ST6GALNAC3: variants seen among roughly 807,000 people sequenced by gnomAD.
ST6GALNAC3 encodes alpha-N-acetylgalactosaminide alpha-2,6-sialyltransferase 3.
ST6GALNAC3 carries 25 observed loss-of-function variants against 32.7 expected under a neutral mutation model. The observed-to-expected ratio is 0.76, with a 90% CI of 0.56 to 1.07. The LOEUF (loss-of-function observed/expected upper bound fraction) is 1.07, where lower values mean the gene tolerates loss of function less well. Ranked by LOEUF, ST6GALNAC3 falls within the 50% of genes least tolerant of loss-of-function variation. ST6GALNAC3 has a pLI of 0.00. For synonymous variants in ST6GALNAC3, 129 were observed against 133.1 expected (o/e 0.97, Z 0.21); for missense variants, 355 against 382.4 (o/e 0.93, Z 0.60).
At chr1:76,407,909 G>A (rs902817017) in intron 2 of ST6GALNAC3, among the ~76,000 whole-genome samples, 2 of 151,998 alleles carry the variant, frequency 1.3e-5, no homozygotes, top group Non-Finnish European at 2.9e-5. Flanking sequence ...ATATGAATGA[G>A]TTGAAGAAAT....
chr1:76,636,611 C>G (rs975867011), downstream of ST6GALNAC3, among the ~76,000 whole-genome samples: 1 of 152,124 alleles, frequency 6.6e-6, no homozygotes, highest in African/African-American at 2.4e-5. Flanking sequence ...ACCTTATATG[C>G]ATTCTCTCCC....
chr1:76,094,172 A>T (rs1338743947), intron 1 of ST6GALNAC3, among the ~76,000 whole-genome samples: 1 of 152,144 alleles, frequency 6.6e-6, no homozygotes, highest in Admixed American at 6.5e-5. Context: ...GGGTCAGGGG[A>T]ATTGTCCATG....
chr1:76,354,797 T>G (rs1649307217), intron 2 of ST6GALNAC3, among the ~76,000 whole-genome samples: 1 of 152,350 alleles, frequency 6.6e-6, no homozygotes, highest in Non-Finnish European at 1.5e-5. Context: ...TCCACGTTTA[T>G]CTACATTCAG....
At chr1:76,611,369 T>C (rs1647922484) in intron 3 of ST6GALNAC3, among the ~76,000 whole-genome samples, 1 of 152,194 alleles carries the variant, frequency 6.6e-6, no homozygotes, top group African/African-American at 2.4e-5. Flanking sequence ...CATAATACAA[T>C]TCTTTAACCA....
chr1:76,372,572 T>C (rs2101084865), intron 2 of ST6GALNAC3, among the ~76,000 whole-genome samples: 1 of 152,266 alleles, frequency 6.6e-6, no homozygotes, highest in South Asian at 2.1e-4. Context: ...GAATTAAAAC[T>C]TCAGTGTCAA....
chr1:76,412,385 T>C lies in ST6GALNAC3; in HGVS notation c.591T>C (p.Asp197=). 6.2e-7 allele frequency: 1 copy of C among 1,606,190 alleles called. No individual in the cohort carries two copies. The highest frequency in any genetic ancestry group is 8.5e-7 in the Non-Finnish European group (1 of 1,175,150). ...VTTEKRMSYC[D]GVFKKETGKD... ...CAGAGAAGCGCATGAGTTACTGTGATGGAGTTTTTAAGAAGGAAACTGGGA... is the reference window on the plus strand; with the variant it reads ...CAGAGAAGCGCATGAGTTACTGTGACGGAGTTTTTAAGAAGGAAACTGGGA... The change falls in exon 3 of 5, where the codon GAT becomes GAC. Residue 197 remains aspartate (D), a synonymous_variant. Coordinates refer to ENST00000328299, the MANE Select transcript of ST6GALNAC3 (RefSeq NM_152996.4).
At chr1:76,362,776 G>A (rs1650069113) in intron 2 of ST6GALNAC3, among the ~76,000 whole-genome samples, 1 of 152,210 alleles carries the variant, frequency 6.6e-6, no homozygotes, top group South Asian at 2.1e-4. Context: ...TGCAAGGGGT[G>A]GGCCCCCAAG....
intron 1 of ST6GALNAC3, among the ~76,000 whole-genome samples, chr1:76,246,368 G>A (rs1038360475): frequency 2.6e-5 from 4 of 152,068 alleles, no homozygotes; most frequent in African/African-American, 9.7e-5. Context: ...TATCCAATTT[G>A]CCAGTCTGTG....
At chr1:76,468,923 T>A (rs1298542587) in intron 3 of ST6GALNAC3, among the ~76,000 whole-genome samples, 1 of 152,036 alleles carries the variant, frequency 6.6e-6, no homozygotes. Context: ...TCTGAAGTCA[T>A]GCAGGAAAAA....
chr1:76,549,327 T>A (rs527898524), intron 3 of ST6GALNAC3, among the ~76,000 whole-genome samples: 84 of 152,260 alleles, frequency 5.5e-4, no homozygotes, highest in Admixed American at 9.8e-4. Flanking sequence ...ACCATTACCC[T>A]GAATTTGAGT....
At chr1:76,250,681 T>G (rs1657557003) in intron 1 of ST6GALNAC3, among the ~76,000 whole-genome samples, 1 of 152,120 alleles carries the variant, frequency 6.6e-6, no homozygotes, top group Non-Finnish European at 1.5e-5. Context: ...CAACCCCACT[T>G]TTTCAATTCA....
chr1:76,474,043 A>G (rs1659197872), intron 3 of ST6GALNAC3, among the ~76,000 whole-genome samples: 1 of 152,194 alleles, frequency 6.6e-6, no homozygotes. Context: ...AGGGTGAGAC[A>G]GTGAGACAGC....
intron 3 of ST6GALNAC3, among the ~76,000 whole-genome samples, chr1:76,621,639 A>G (rs1458670583): frequency 2.6e-5 from 4 of 152,044 alleles, no homozygotes; most frequent in African/African-American, 9.7e-5. Flanking sequence ...CTCTGCTTCC[A>G]TTAGACTGGT....
chr1:76,423,697 G>A (rs1414216289), intron 3 of ST6GALNAC3, among the ~76,000 whole-genome samples: 1 of 151,940 alleles, frequency 6.6e-6, no homozygotes, highest in Non-Finnish European at 1.5e-5. Context: ...GATAACTCAT[G>A]CAAAGGCACT....
intron 2 of ST6GALNAC3, among the ~76,000 whole-genome samples, chr1:76,382,405 A>T (rs566441897): frequency 6.6e-6 from 1 of 152,332 alleles, no homozygotes; most frequent in South Asian, 2.1e-4. Context: ...TGTAGACAAG[A>T]ATACAGGGGA....
At chr1:76,215,690 C>T (rs1417966436) in intron 1 of ST6GALNAC3, among the ~76,000 whole-genome samples, 1 of 152,082 alleles carries the variant, frequency 6.6e-6, no homozygotes. Context: ...GAGTGGATGG[C>T]AATTATAAGA....
intron 2 of ST6GALNAC3, among the ~76,000 whole-genome samples, chr1:76,333,953 A>T (rs1032213596): frequency 6.6e-6 from 1 of 152,206 alleles, no homozygotes; most frequent in African/African-American, 2.4e-5. Context: ...TTCCAAGATC[A>T]TATTGCTCTT....
intron 1 of ST6GALNAC3, among the ~76,000 whole-genome samples, chr1:76,179,097 C>T (rs772341738): frequency 2.7e-4 from 41 of 152,184 alleles, no homozygotes; most frequent in Non-Finnish European, 4.9e-4. Context: ...TTACTTTTCA[C>T]GTGGGCTCCA....
At chr1:76,162,363 T>C (rs964994928) in intron 1 of ST6GALNAC3, among the ~76,000 whole-genome samples, 1 of 152,242 alleles carries the variant, frequency 6.6e-6, no homozygotes, top group African/African-American at 2.4e-5. Flanking sequence ...TGAAATGCCA[T>C]TCTATCCCTG....
Sources: allele counts gnomAD v4.1 joint callset (sites outside exome capture counted in the v4.1 genomes callset), GRCh38; gene constraint gnomAD v4.1.1; transcripts MANE v1.5; gene names NCBI Gene and HGNC (gene_info 2026-07-23, HGNC 2026-07-21).